LRRC8D: variants seen among roughly 807,000 people sequenced by gnomAD.
LRRC8D encodes volume-regulated anion channel subunit LRRC8D.
Under a neutral mutation model 55.8 loss-of-function variants are expected in LRRC8D, and 20 were observed. The observed-to-expected ratio is 0.36, with a 90% CI of 0.25 to 0.52. LRRC8D has a LOEUF of 0.52. LRRC8D is among the 20% of genes least tolerant of loss of function. The probability of loss-of-function intolerance (pLI) is 0.93; values close to 1 mark genes in which losing one functional copy is unlikely to be tolerated. For missense variants in LRRC8D, 651 were observed against 1,030.8 expected (o/e 0.63, Z 5.05); for synonymous variants, 352 against 377.0 (o/e 0.93, Z 0.77).
intron 2 of LRRC8D, among the ~76,000 whole-genome samples, chr1:89,932,508 G>A (rs1024214727): frequency 1.2e-4 from 18 of 152,186 alleles, no homozygotes; most frequent in South Asian, 2.1e-4. Flanking sequence ...TGCTAAGAGC[G>A]TTACAATCAT....
intron 2 of LRRC8D, among the ~76,000 whole-genome samples, chr1:89,915,046 G>GT (rs1553128468): frequency 2.3e-4 from 35 of 149,528 alleles, no homozygotes; most frequent in Admixed American, 2.2e-3. Flanking sequence ...GTGTGTGTGT[G>GT]GTGTGTGTGT....
chr1:89,918,837 G>A (rs1387440756), intron 2 of LRRC8D, among the ~76,000 whole-genome samples: 6 of 152,178 alleles, frequency 3.9e-5, no homozygotes, highest in Admixed American at 3.3e-4. Context: ...TTTGACTTTG[G>A]TATAATTAAT....
chr1:89,859,488 T>A (rs1661646477), intron 2 of LRRC8D, among the ~76,000 whole-genome samples: 1 of 152,186 alleles, frequency 6.6e-6, no homozygotes, highest in South Asian at 2.1e-4. Flanking sequence ...CAGGTATAGC[T>A]GTGAAAATAG....
At position 89,936,582 on chromosome 1, in the gene LRRC8D, A is replaced by G. The variant is rs1190008596; in HGVS notation, c.*937A>G. 1.3e-5 allele frequency: 2 copies of G among 152,192 alleles called. No homozygotes were observed. Among genetic ancestry groups the G allele is most frequent in the Non-Finnish European group, 2.9e-5 (2 of 68,042 alleles). The allele number at this position is 152,192 out of a possible 1,614,324, so 9.4% of individuals were successfully genotyped here. A position where few individuals can be genotyped will look rare whatever the true frequency, so the allele number is the denominator to read the frequency against. The stretch of plus-strand genomic sequence containing the variant: ...TAATAGGAAATGTAGTTCATTGGGT[A>G]GGGAAACTCTTACCTTTCCCTATCT... On this transcript the variant is annotated 3_prime_UTR_variant, in exon 3 of 3. Coordinates refer to ENST00000337338, the MANE Select transcript of LRRC8D (RefSeq NM_001134479.2).
chr1:89,843,580 C>G (rs946826699), intron 1 of LRRC8D, 58 bp from the exon 2 acceptor site: 2 of 697,342 alleles, frequency 2.9e-6, no homozygotes, highest in Admixed American at 4.0e-5. Flanking sequence ...ACTCCTTCCT[C>G]CCCGCTGCCG....
chr1:89,888,061 G>A (rs770358562), intron 2 of LRRC8D, among the ~76,000 whole-genome samples: 6 of 152,194 alleles, frequency 3.9e-5, no homozygotes, highest in Non-Finnish European at 8.8e-5. Context: ...GAACATTAAT[G>A]TATCCAGATT....
intron 2 of LRRC8D, among the ~76,000 whole-genome samples, chr1:89,926,467 C>T (rs889217122): frequency 2.0e-5 from 3 of 152,202 alleles, no homozygotes; most frequent in African/African-American, 7.2e-5. Context: ...TAGTGAATGT[C>T]AGGAAGGGAT....
At chr1:89,930,420 C>T (rs574495593) in intron 2 of LRRC8D, among the ~76,000 whole-genome samples, 2 of 151,870 alleles carry the variant, frequency 1.3e-5, no homozygotes, top group East Asian at 1.9e-4. Context: ...TCTCAAACTC[C>T]GCCTCAAATG....
At chr1:89,873,138 G>A (rs754495594) in intron 2 of LRRC8D, among the ~76,000 whole-genome samples, 2 of 152,116 alleles carry the variant, frequency 1.3e-5, no homozygotes, top group Non-Finnish European at 2.9e-5. Flanking sequence ...ACAGGGGAGA[G>A]ATCATAGAGA....
intron 2 of LRRC8D, among the ~76,000 whole-genome samples, chr1:89,885,246 T>C (rs1662389157): frequency 2.0e-5 from 3 of 152,330 alleles, no homozygotes; most frequent in South Asian, 2.1e-4. Context: ...ATCTTAACCT[T>C]AGACATAGAA....
At chr1:89,889,937 C>T (rs1368618383) in intron 2 of LRRC8D, among the ~76,000 whole-genome samples, 1 of 152,034 alleles carries the variant, frequency 6.6e-6, no homozygotes, top group Non-Finnish European at 1.5e-5. Context: ...CCTGTAATCC[C>T]AGCACTTTGG....
chr1:89,845,952 T>C (rs774805810), intron 2 of LRRC8D, among the ~76,000 whole-genome samples: 1 of 152,078 alleles, frequency 6.6e-6, no homozygotes. Flanking sequence ...CAGCTAATTT[T>C]GTATTTTTAG....
At chr1:89,899,358 A>C (rs1273245271) in intron 2 of LRRC8D, among the ~76,000 whole-genome samples, 2 of 152,224 alleles carry the variant, frequency 1.3e-5, no homozygotes, top group Non-Finnish European at 2.9e-5. Context: ...CAAATCAGCC[A>C]CATCCAAGTT....
rs1341725919 is a variant in LRRC8D, at chr1:89,911,788, C to T, written c.-2-21279C>T. 6.6e-6 allele frequency among the ~76,000 whole-genome samples: 1 copy of T among 152,188 alleles called. No individual in the cohort carries two copies. The highest frequency in any genetic ancestry group is 1.5e-5 in the Non-Finnish European group (1 of 68,038). On this transcript the variant is annotated intron_variant, in intron 2 of 2. Coordinates refer to ENST00000337338, the MANE Select transcript of LRRC8D (RefSeq NM_001134479.2). This position sits in a 1 kb window ranked among gnomAD's most constrained non-coding sequence, Gnocchi z 4.0. Reference sequence around the variant, plus strand: ...GCGGTCACTTTTGCCCCTTAACGTGCGTGACTTGCTTTTGACACCTGCAAT... The same window carrying T: ...GCGGTCACTTTTGCCCCTTAACGTGTGTGACTTGCTTTTGACACCTGCAAT...
intron 2 of LRRC8D, among the ~76,000 whole-genome samples, chr1:89,883,996 T>C (rs1662345144): frequency 6.6e-6 from 1 of 152,212 alleles, no homozygotes; most frequent in Admixed American, 6.5e-5. Context: ...TCCATTTAGT[T>C]CTTATTCATT....
At chr1:89,890,532 C>A (rs1211011393) in intron 2 of LRRC8D, among the ~76,000 whole-genome samples, 1 of 152,172 alleles carries the variant, frequency 6.6e-6, no homozygotes. Context: ...TCTCCGTATC[C>A]CCTTTATCTC....
At chr1:89,883,723 A>T (rs1048630781) in intron 2 of LRRC8D, among the ~76,000 whole-genome samples, 6 of 152,198 alleles carry the variant, frequency 3.9e-5, no homozygotes, top group Non-Finnish European at 7.3e-5. Context: ...AACATCTAAC[A>T]TGTTGTTCAA....
chr1:89,897,055 A>C (rs2802028), intron 2 of LRRC8D, among the ~76,000 whole-genome samples: 54,935 of 152,012 alleles, frequency 0.36, 10,411 homozygotes, highest in African/African-American at 0.46. Context: ...TGTATTAGAA[A>C]CTATTCATTA....
intron 2 of LRRC8D, among the ~76,000 whole-genome samples, chr1:89,862,494 A>C (rs766916457): frequency 2.6e-5 from 4 of 152,222 alleles, no homozygotes; most frequent in South Asian, 2.1e-4. Flanking sequence ...GTTAGGAATA[A>C]TTGAAGTAGG....
Sources: gnomAD v4.1 joint callset for allele counts (sites outside exome capture counted in the v4.1 genomes callset) on GRCh38, gnomAD v4.1.1 for gene constraint, Gnocchi (gnomAD v3.1) non-coding constraint, MANE v1.5 for transcripts, NCBI Gene and HGNC (gene_info 2026-07-23, HGNC 2026-07-21) for gene names.